CCDC178: variants seen among roughly 807,000 people sequenced by gnomAD.
The protein encoded by CCDC178 is coiled-coil domain containing 178.
Under a neutral mutation model 117.4 loss-of-function variants are expected in CCDC178, and 126 were observed. The ratio of observed to expected loss-of-function variants is 1.07; its 90% CI spans 0.93 to 1.24. The LOEUF (loss-of-function observed/expected upper bound fraction) is 1.24. Among genes scored for constraint, CCDC178 ranks in the 50% most tolerant of loss-of-function variants. The probability of loss-of-function intolerance (pLI) is 0.00; values close to 1 mark genes in which losing one functional copy is unlikely to be tolerated. For missense variants in CCDC178, 1,030 were observed against 986.9 expected, an observed-to-expected ratio of 1.04 and a Z score of -0.59; for synonymous variants, 283 against 313.4, an observed-to-expected ratio of 0.90 and a Z score of 1.02.
chr18:33,099,417 T>C (rs546939397), intron 20 of CCDC178, among the ~76,000 whole-genome samples: 3 of 152,110 alleles, frequency 2.0e-5, no homozygotes, highest in East Asian at 1.9e-4. Flanking sequence ...GAGGCTTTGA[T>C]GTCCTTAAAG....
At chr18:33,312,172 C>T (rs887128069) in intron 11 of CCDC178, among the ~76,000 whole-genome samples, 1 of 152,160 alleles carries the variant, frequency 6.6e-6, no homozygotes, top group Non-Finnish European at 1.5e-5. Context: ...TACCATGTTA[C>T]TCTGTCCCTG....
In CCDC178 at chr18:33,397,155, T is replaced by A. The variant is rs777356365; in HGVS notation, c.112A>T (p.Asn38Tyr). 3 of 1,598,918 alleles carry A rather than the reference T, an allele frequency of 1.9e-6. No individual in the cohort carries two copies. The South Asian group carries it at 3.3e-5, about 18-fold the overall frequency. ...TATAATAGCTGTTGGATACCTTCAT[T>A]TGTCCTTGACCATGCCTTCTCTCTG... ...ALREKAWSRT[N>Y]EGNAMSQSLV... Residue 38 changes from asparagine to tyrosine, a missense_variant, in exon 4 of 23, where the codon AAT becomes TAT. Physicochemically the swap from Asn to Tyr is moderately radical, Grantham distance 143. Coordinates refer to ENST00000383096, the MANE Select transcript of CCDC178 (RefSeq NM_001105528.4).
At chr18:33,331,412 C>T (rs899419505) in intron 10 of CCDC178, among the ~76,000 whole-genome samples, 6 of 151,974 alleles carry the variant, frequency 3.9e-5, no homozygotes, top group Non-Finnish European at 7.4e-5. Context: ...TTGCTTCATG[C>T]TGTAAAATGG....
intron 12 of CCDC178, among the ~76,000 whole-genome samples, chr18:33,275,187 T>G (rs1372402431): frequency 2.6e-5 from 4 of 152,184 alleles, no homozygotes; most frequent in African/African-American, 9.6e-5. Flanking sequence ...TAGGTTGGTA[T>G]AATTTAAAAA....
intron 21 of CCDC178, among the ~76,000 whole-genome samples, chr18:33,000,488 A>C (rs569352564): frequency 1.8e-4 from 27 of 152,320 alleles, no homozygotes; most frequent in African/African-American, 5.8e-4. Context: ...GCACAAGAAG[A>C]ATATAGAACA....
intron 9 of CCDC178, among the ~76,000 whole-genome samples, chr18:33,336,313 T>C (rs910229195): frequency 6.6e-6 from 1 of 152,038 alleles, no homozygotes; most frequent in Non-Finnish European, 1.5e-5. Context: ...TTATTTCCAG[T>C]ATCCTGTACC....
rs1163616409 is a variant in CCDC178 at position 33,245,425 on chromosome 18, T to C, written c.1413A>G (p.Ile471Met). Residue 471 changes from isoleucine to methionine, a missense_variant, in exon 15 of 23, where the codon ATA becomes ATG. Coordinates refer to ENST00000383096, the MANE Select transcript of CCDC178 (RefSeq NM_001105528.4). The stretch of plus-strand genomic sequence containing the variant: ...CAGATTCGTATTTTGATTTTTTCCG[T>C]ATGCTGTAAAAGTAAAGCAAAAATT... ...NKITVKTNESIRKKSKYESEI... is the reference protein window; with the variant it reads ...NKITVKTNESMRKKSKYESEI... 1 of 1,545,882 alleles carries C rather than the reference T, an allele frequency of 6.5e-7. No homozygotes were observed.
At chr18:32,949,758 C>T (rs1442850964) in intron 22 of CCDC178, among the ~76,000 whole-genome samples, 2 of 151,952 alleles carry the variant, frequency 1.3e-5, no homozygotes, top group Admixed American at 1.3e-4. Context: ...TTTTTGCATT[C>T]CTGGATTTGA....
intron 20 of CCDC178, among the ~76,000 whole-genome samples, chr18:33,132,712 T>A (rs1296220586): frequency 6.6e-6 from 1 of 151,730 alleles, no homozygotes; most frequent in Non-Finnish European, 1.5e-5. Flanking sequence ...ACACAATTTT[T>A]TCTAAATAGT....
Position 33,119,370 on chromosome 18 carries a change from C to A in CCDC178, c.2239-26460G>T, listed in dbSNP as rs191665959. Among the ~76,000 whole-genome samples the A allele has an allele frequency of 5.4e-3, 827 of 152,194 alleles. 7 individuals carry two copies. The highest frequency in any genetic ancestry group is 0.018 in the African/African-American group (761 of 41,506). On this transcript the variant is annotated intron_variant, in intron 20 of 22. Coordinates refer to ENST00000383096, the MANE Select transcript of CCDC178 (RefSeq NM_001105528.4). Reference sequence around the variant, plus strand: ...AAAAACAACCCCATCAAAAAGTGGGCGAAGGATATGAACAGACATTTCTCA... The same window carrying A: ...AAAAACAACCCCATCAAAAAGTGGGAGAAGGATATGAACAGACATTTCTCA...
chr18:33,103,002 A>G (rs1338785368), intron 20 of CCDC178, among the ~76,000 whole-genome samples: 1 of 151,840 alleles, frequency 6.6e-6, no homozygotes, highest in Non-Finnish European at 1.5e-5. Context: ...GTTCCTTTAT[A>G]GACAAACATT....
chr18:33,049,279 G>C (rs560295425), intron 21 of CCDC178, among the ~76,000 whole-genome samples: 49 of 152,044 alleles, frequency 3.2e-4, no homozygotes, highest in African/African-American at 1.1e-3. Context: ...AACTTATAAA[G>C]ATGTTAATAA....
chr18:33,207,886 A>G (rs2059064231), intron 20 of CCDC178, among the ~76,000 whole-genome samples: 1 of 152,000 alleles, frequency 6.6e-6, no homozygotes, highest in Non-Finnish European at 1.5e-5. Context: ...AATCTATTAA[A>G]TTTATATTTA....
chr18:33,124,557 CTTTAG>C (rs1297135684), intron 20 of CCDC178, among the ~76,000 whole-genome samples: 11 of 152,136 alleles, frequency 7.2e-5, no homozygotes, highest in African/African-American at 2.7e-4. Flanking sequence ...TGATAACTAA[CTTTAG>C]TTTAATTACT....
chr18:33,407,730 A>T (rs893563439), intron 3 of CCDC178, among the ~76,000 whole-genome samples: 2 of 152,092 alleles, frequency 1.3e-5, no homozygotes, highest in African/African-American at 4.8e-5. Flanking sequence ...CTTGCTAATC[A>T]ATAGTGAATA....
At chr18:33,046,525 C>CA (rs10648309) in intron 21 of CCDC178, among the ~76,000 whole-genome samples, 3,227 of 151,536 alleles carry the variant, frequency 0.021, 119 homozygotes, top group African/African-American at 0.074. Flanking sequence ...TAAGTATAAG[C>CA]AAAAAAATAA....
intron 16 of CCDC178, among the ~76,000 whole-genome samples, chr18:33,225,219 G>A (rs1415954349): frequency 6.6e-6 from 1 of 151,740 alleles, no homozygotes; most frequent in Non-Finnish European, 1.5e-5. Flanking sequence ...CTGGAGTTCA[G>A]TGGCATAATC....
At chr18:33,318,962 GT>G (rs2062461637) in intron 11 of CCDC178, among the ~76,000 whole-genome samples, 5 of 152,140 alleles carry the variant, frequency 3.3e-5, no homozygotes, top group Admixed American at 3.3e-4. Context: ...AATTCTGAAA[GT>G]TTTTCATCAG....
At chr18:33,336,342 G>A (rs1161521598) in intron 9 of CCDC178, among the ~76,000 whole-genome samples, 1 of 151,998 alleles carries the variant, frequency 6.6e-6, no homozygotes, top group African/African-American at 2.4e-5. Flanking sequence ...ATATCAAAAT[G>A]GCAACTCAAG....
Sources: allele counts gnomAD v4.1 joint callset (sites outside exome capture counted in the v4.1 genomes callset), GRCh38; gene constraint gnomAD v4.1.1; transcripts MANE v1.5; gene names NCBI Gene and HGNC (gene_info 2026-07-23, HGNC 2026-07-21).